The following PRDM15 variants were observed in gnomAD, a reference collection of about 807,000 sequenced individuals.
PRDM15 encodes PR domain zinc finger protein 15.
Under a neutral mutation model 128.6 loss-of-function variants are expected in PRDM15, and 64 were observed. The observed-to-expected ratio is 0.50, with a 90% CI of 0.41 to 0.61. The LOEUF (loss-of-function observed/expected upper bound fraction) is 0.61, where lower values mean the gene tolerates loss of function less well. PRDM15 is among the 20% of genes least tolerant of loss of function. The pLI, the probability that PRDM15 is intolerant of heterozygous loss-of-function variation, is 0.00. For synonymous variants in PRDM15, 615 were observed against 621.8 expected, an observed-to-expected ratio of 0.99 and a Z score of 0.16; for missense variants, 1,242 against 1,569.1, an observed-to-expected ratio of 0.79 and a Z score of 3.52.
chr21:41,808,934 T>A (rs1340572805), intron 21 of PRDM15, among the ~76,000 whole-genome samples: 1 of 152,220 alleles, frequency 6.6e-6, no homozygotes. Context: ...AAGAAAAACA[T>A]CCAACGGTGA....
chr21:41,819,625 C>T lies in PRDM15; in HGVS notation c.2217G>A (p.Val739=). Residue 739 remains valine (V), a synonymous_variant, in exon 18 of 24, where the codon GTG becomes GTA. Coordinates refer to ENST00000398548, the MANE Select transcript of PRDM15 (RefSeq NM_001040424.3). ...ACAGGTACTCGCGGACATTGTCGTG[C>T]ACACGCATGTGCTCCTTCAGCATGT... The part of the protein sequence containing the change: ...RKDMLKEHMR[V]HDNVREYLCA... The T allele has an allele frequency of 6.2e-7, 1 of 1,612,112 alleles. No homozygotes were observed. Among genetic ancestry groups the T allele is most frequent in the Non-Finnish European group, 8.5e-7 (1 of 1,179,508 alleles).
chr21:41,803,349 T>G (rs1033731972), intron 22 of PRDM15, among the ~76,000 whole-genome samples: 39 of 152,314 alleles, frequency 2.6e-4, no homozygotes, highest in African/African-American at 8.9e-4. Context: ...TAAAACAGAT[T>G]TGACCACAAA....
At chr21:41,806,090 CCATCACCACCACCAT>C (rs2061580009) in intron 21 of PRDM15, among the ~76,000 whole-genome samples, 2 of 27,180 alleles carry the variant, frequency 7.4e-5, no homozygotes, top group Non-Finnish European at 1.7e-4. Context: ...ACCACCACCA[CCATCACCACCACCAT>C]CACCACCACC....
At chr21:41,830,161 ACAC>A (rs1246484657) in intron 11 of PRDM15, among the ~76,000 whole-genome samples, 11 of 151,016 alleles carry the variant, frequency 7.3e-5, no homozygotes, top group Non-Finnish European at 1.2e-4. Context: ...ACAAATACAC[ACAC>A]AACACACACA....
intron 13 of PRDM15, among the ~76,000 whole-genome samples, chr21:41,825,276 T>C (rs1417700287): frequency 1.3e-5 from 2 of 152,272 alleles, no homozygotes; most frequent in African/African-American, 4.8e-5. Flanking sequence ...GCCTGACAGC[T>C]GTGAGGACCA....
chr21:41,822,294 A>C (rs973216542), intron 14 of PRDM15, among the ~76,000 whole-genome samples: 3 of 152,132 alleles, frequency 2.0e-5, no homozygotes, highest in African/African-American at 7.2e-5. Flanking sequence ...GCAAGATCCC[A>C]ATCTGTGCCC....
intron 3 of PRDM15, among the ~76,000 whole-genome samples, chr21:41,857,575 T>C (rs892797470): frequency 6.6e-6 from 1 of 152,070 alleles, no homozygotes; most frequent in African/African-American, 2.4e-5. Context: ...GCCTGGGCAA[T>C]ATGGTGAAAC....
At chr21:41,824,449 A>C (rs2062395633) in intron 13 of PRDM15, among the ~76,000 whole-genome samples, 1 of 152,238 alleles carries the variant, frequency 6.6e-6, no homozygotes, top group African/African-American at 2.4e-5. Context: ...CCCAAACTAC[A>C]GGCTATTTCA....
At chr21:41,861,807 G>T in intron 1 of PRDM15, 1 of 1,593,564 alleles carries the variant, frequency 6.3e-7, no homozygotes, top group Non-Finnish European at 8.6e-7. Flanking sequence ...TAGCTACAAG[G>T]AAGTGAGGCA....
chr21:41,878,657 C>A, intron 1 of PRDM15: 1 of 1,389,058 alleles, frequency 7.2e-7, no homozygotes, highest in South Asian at 1.2e-5. Context: ...AAAAGGCTTA[C>A]GAAAATAAGG....
Position 41,821,084 on chromosome 21 carries a change from C to G in PRDM15, c.2043G>C (p.Pro681=), listed in dbSNP as rs760332191. The change falls in exon 16 of 24, where the codon CCG becomes CCC. Residue 681 remains proline (P), a synonymous_variant. Transcript: ENST00000398548. This position sits in a 1 kb window ranked among gnomAD's most constrained non-coding sequence, Gnocchi z 5.4. ...GGCCTCACTTCTGCACGTTGGGGTC[C>G]GGCAGGTTTTCACGGTGGATGACCA... ...AHMVIHRENL[P]DPNVQKYIHP... 6.2e-7 allele frequency: 1 copy of G among 1,614,082 alleles called. No individual in the cohort carries two copies. The highest frequency in any genetic ancestry group is 8.5e-7 in the Non-Finnish European group (1 of 1,180,036).
intron 21 of PRDM15, among the ~76,000 whole-genome samples, chr21:41,806,878 TCAG>T (rs2061694443): frequency 7.0e-5 from 10 of 142,874 alleles, no homozygotes; most frequent in African/African-American, 2.7e-4. Flanking sequence ...GCCATCACCA[TCAG>T]CACCACTACC....
intron 1 of PRDM15, among the ~76,000 whole-genome samples, chr21:41,870,186 AAC>A (rs1222326696): frequency 6.6e-6 from 1 of 152,260 alleles, no homozygotes; most frequent in Non-Finnish European, 1.5e-5. Context: ...TAATTTTAGT[AAC>A]ATTTTATTAA....
intron 4 of PRDM15, among the ~76,000 whole-genome samples, chr21:41,856,876 C>T (rs1159925356): frequency 6.6e-6 from 1 of 152,212 alleles, no homozygotes; most frequent in Non-Finnish European, 1.5e-5. Context: ...GTAAAGCCTG[C>T]GACAGCAATG....
Position 41,879,168 on chromosome 21 carries a change from C to T in PRDM15, c.-10+102G>A, listed in dbSNP as rs2064547989. 7 of 802,214 alleles carry T rather than the reference C, an allele frequency of 8.7e-6. No homozygotes were observed. The highest frequency in any genetic ancestry group is 1.0e-5 in the Non-Finnish European group (7 of 672,128). The allele number at this position is 802,214 out of a possible 1,614,324, so 49.7% of individuals were successfully genotyped here. A position where few individuals can be genotyped will look rare whatever the true frequency, so the allele number is the denominator to read the frequency against. ...GCCGGGCGCGGGGGGCGGGGGGCAG[C>T]GGGCCCAGGGCGCGCCGGGGCTCGC... On this transcript the variant is annotated intron_variant, in intron 1 of 23. Transcript: ENST00000398548. This position sits in a 1 kb window ranked among gnomAD's most constrained non-coding sequence, Gnocchi z 5.1.
chr21:41,830,972 C>T (rs893495035), intron 11 of PRDM15, among the ~76,000 whole-genome samples: 2 of 152,114 alleles, frequency 1.3e-5, no homozygotes, highest in Non-Finnish European at 2.9e-5. Flanking sequence ...CATCAGATGT[C>T]TCACCAGTTG....
In PRDM15 at chr21:41,829,531, CCA is replaced by C. The variant is rs1164281151; in HGVS notation, c.1367-1200_1367-1199del. Among the ~76,000 whole-genome samples the C allele has an allele frequency of 3.0e-3, 453 of 150,996 alleles. 1 individual carries two copies. Among genetic ancestry groups the C allele is most frequent in the African/African-American group, 0.01 (419 of 40,892 alleles). ...CACATCACACACATATAATCACACA[CCA>C]CACAGATACACTCAACATACACCAC... On this transcript the variant is annotated intron_variant, in intron 11 of 23. Coordinates refer to ENST00000398548, the MANE Select transcript of PRDM15 (RefSeq NM_001040424.3).
chr21:41,875,970 G>A (rs1226036669), intron 1 of PRDM15, among the ~76,000 whole-genome samples: 3 of 152,044 alleles, frequency 2.0e-5, no homozygotes, highest in African/African-American at 7.2e-5. Context: ...TAGGCTATAC[G>A]GCCCAGCCTA....
At chr21:41,841,595 T>C (rs2063075680) in intron 6 of PRDM15, among the ~76,000 whole-genome samples, 1 of 151,828 alleles carries the variant, frequency 6.6e-6, no homozygotes, top group South Asian at 2.1e-4. Flanking sequence ...TTAGCAAACA[T>C]CATTCTAGAC....
Sources: gnomAD v4.1 joint callset for allele counts (sites outside exome capture counted in the v4.1 genomes callset) on GRCh38, gnomAD v4.1.1 for gene constraint, Gnocchi (gnomAD v3.1) non-coding constraint, MANE v1.5 for transcripts, NCBI Gene and HGNC (gene_info 2026-07-23, HGNC 2026-07-21) for gene names.